The following DUSP10 variants were observed in gnomAD, a reference collection of about 807,000 sequenced individuals.
DUSP10 encodes the protein dual specificity phosphatase 10.
DUSP10 carries 14 observed loss-of-function variants against 30.8 expected under a neutral mutation model. The observed-to-expected ratio is 0.46, with a 90% CI of 0.30 to 0.71. The LOEUF is 0.71. Among genes scored for constraint, DUSP10 ranks in the 30% least tolerant of loss-of-function variants. The probability of loss-of-function intolerance (pLI) is 0.08; values close to 1 mark genes in which losing one functional copy is unlikely to be tolerated. For synonymous variants in DUSP10, 254 were observed against 250.4 expected (o/e 1.01, Z -0.14); for missense variants, 550 against 619.4 (o/e 0.89, Z 1.19).
In DUSP10 at chr1:221,717,598, T is replaced by C. The variant is rs142680135; in HGVS notation, c.812-11132A>G. On this transcript the variant is annotated intron_variant, in intron 2 of 3. Transcript: ENST00000366899. ...TGCTGTGGACTGATTGTATCTCTCC[T>C]CCCCATATTCAAACACACACACAAA... Among the ~76,000 whole-genome samples the C allele has an allele frequency of 4.0e-4, 61 of 152,224 alleles. No individual in the cohort carries two copies. The East Asian group carries it at 0.011, about 27-fold the overall frequency.
chr1:221,715,160 AAG>A (rs1343681908), intron 2 of DUSP10, among the ~76,000 whole-genome samples: 1 of 152,218 alleles, frequency 6.6e-6, no homozygotes, highest in Non-Finnish European at 1.5e-5. Context: ...CCTCAATAGG[AAG>A]AATTTTAAAA....
chr1:221,735,807 A>T (rs553721735), intron 2 of DUSP10, among the ~76,000 whole-genome samples: 13 of 152,374 alleles, frequency 8.5e-5, no homozygotes, highest in African/African-American at 3.1e-4. Context: ...AAAACTTTAT[A>T]GCAAAAACGG....
chr1:221,741,984 A>G lies in DUSP10; in HGVS notation c.-47T>C, dbSNP rs1661968743. On this transcript the variant is annotated 5_prime_UTR_variant, in exon 1 of 4. An upstream start codon of the reference 5' UTR is lost. Coordinates refer to ENST00000366899, the MANE Select transcript of DUSP10 (RefSeq NM_007207.6). ...AGTCGCGGTGACTTCCACTTACTTC[A>G]TAAATAAGTGTATTCCTCCACCATC... The G allele has an allele frequency of 6.6e-6, 1 of 152,270 alleles. No homozygotes were observed. The highest frequency in any genetic ancestry group is 1.5e-5 in the Non-Finnish European group (1 of 68,108). 9.4% of individuals were successfully genotyped at this position (152,270 alleles called of 1,614,324 possible).
rs1295406955 is a variant in DUSP10 at position 221,702,085 on chromosome 1, C to G, written c.*327G>C. Reference sequence around the variant, plus strand: ...TGTGTAGTATCTTCGGTCTATGAACCTGCACAGACTATTTAGTCATAAACT... The same window carrying G: ...TGTGTAGTATCTTCGGTCTATGAACGTGCACAGACTATTTAGTCATAAACT... On this transcript the variant is annotated 3_prime_UTR_variant, in exon 4 of 4. Transcript: ENST00000366899. This position sits in a 1 kb window ranked among gnomAD's most constrained non-coding sequence, Gnocchi z 4.5. 1.1e-5 allele frequency: 3 copies of G among 265,872 alleles called. No individual in the cohort carries two copies. Among genetic ancestry groups the G allele is most frequent in the Admixed American group, 1.0e-4 (2 of 19,820 alleles). 16.5% of individuals were successfully genotyped at this position (265,872 alleles called of 1,614,324 possible).
rs1485650065 is a variant in DUSP10 at position 221,702,335 on chromosome 1, G to GA, written c.*76dup. Reference sequence around the variant, plus strand: ...TCCCAACTACAAAAAAAAAAAGAAAGAAAAAAAACCAGAATCCATCCTCCT... The same window carrying GA: ...TCCCAACTACAAAAAAAAAAAGAAAGAAAAAAAAACCAGAATCCATCCTCCT... On this transcript the variant is annotated 3_prime_UTR_variant, in exon 4 of 4. Coordinates refer to ENST00000366899, the MANE Select transcript of DUSP10 (RefSeq NM_007207.6). The surrounding 1 kb of genome is among the most constrained non-coding windows in gnomAD (Gnocchi z 4.5). 2.9e-5 allele frequency: 43 copies of GA among 1,491,954 alleles called. No individual in the cohort carries two copies. Among genetic ancestry groups the GA allele is most frequent in the African/African-American group, 1.1e-4 (8 of 70,302 alleles). 92.4% of individuals were successfully genotyped at this position (1,491,954 alleles called of 1,614,324 possible).
At chr1:221,714,344 TGTAAAGTTGAG>T (rs1261878958) in intron 2 of DUSP10, among the ~76,000 whole-genome samples, 1 of 152,156 alleles carries the variant, frequency 6.6e-6, no homozygotes, top group Non-Finnish European at 1.5e-5. Context: ...GAGAGCAGCC[TGTAAAGTTGAG>T]CTGCAGACAC....
At chr1:221,719,686 C>T (rs1288632714) in intron 2 of DUSP10, among the ~76,000 whole-genome samples, 1 of 152,180 alleles carries the variant, frequency 6.6e-6, no homozygotes, top group Non-Finnish European at 1.5e-5. Flanking sequence ...CATCCCGTAT[C>T]TGGCACCATC....
At chr1:221,721,340 G>T (rs758585407) in intron 2 of DUSP10, among the ~76,000 whole-genome samples, 11 of 152,184 alleles carry the variant, frequency 7.2e-5, no homozygotes, top group Non-Finnish European at 1.3e-4. Flanking sequence ...TCCCCAAAGA[G>T]AAATCTAATG....
At position 221,706,186 on chromosome 1, in the gene DUSP10, C is replaced by T. The variant is rs781396913; in HGVS notation, c.1092G>A (p.Glu364=). The change falls in exon 3 of 4, where the codon GAG becomes GAA. Residue 364 remains glutamate, a synonymous_variant. Coordinates refer to ENST00000366899, the MANE Select transcript of DUSP10 (RefSeq NM_007207.6). This position sits in a 1 kb window ranked among gnomAD's most constrained non-coding sequence, Gnocchi z 4.6. Reference sequence around the variant, plus strand: ...GCCGCTTGTAGTTGAACAGGCCTTTCTCATAGTGGTAGAGGGGAAGATGAG... The same window carrying T: ...GCCGCTTGTAGTTGAACAGGCCTTTTTCATAGTGGTAGAGGGGAAGATGAG... The part of the protein sequence containing the change: ...VTTHLPLYHY[E]KGLFNYKRLP... The T allele has an allele frequency of 6.2e-7, 1 of 1,614,122 alleles. No homozygotes were observed. Among genetic ancestry groups the T allele is most frequent in the Admixed American group, 1.7e-5 (1 of 60,034 alleles).
intron 2 of DUSP10, among the ~76,000 whole-genome samples, chr1:221,723,961 A>C (rs1661348660): frequency 6.6e-6 from 1 of 152,238 alleles, no homozygotes; most frequent in African/African-American, 2.4e-5. Flanking sequence ...AATCATGTGG[A>C]TGTCTTTCTG....
At chr1:221,712,004 T>C (rs1037575424) in intron 2 of DUSP10, among the ~76,000 whole-genome samples, 1 of 152,166 alleles carries the variant, frequency 6.6e-6, no homozygotes. Context: ...GGGCAGAATA[T>C]CACCTATCTT....
At position 221,702,181 on chromosome 1, in the gene DUSP10, T is replaced by C. The variant is rs1660624818; in HGVS notation, c.*231A>G. On this transcript the variant is annotated 3_prime_UTR_variant, in exon 4 of 4. Transcript: ENST00000366899. The surrounding 1 kb of genome is among the most constrained non-coding windows in gnomAD (Gnocchi z 4.5). Reference sequence around the variant, plus strand: ...TATTTTTATTGTTGGCTTAAAAAAATTACTTCTTTAACCTCCTTAATTTGT... The same window carrying C: ...TATTTTTATTGTTGGCTTAAAAAAACTACTTCTTTAACCTCCTTAATTTGT... 1 of 510,230 alleles carries C rather than the reference T, an allele frequency of 2.0e-6. No homozygotes were observed. The highest frequency in any genetic ancestry group is 3.4e-6 in the Non-Finnish European group (1 of 290,470). The allele number at this position is 510,230 out of a possible 1,614,324, so 31.6% of individuals were successfully genotyped here.
chr1:221,707,302 T>C (rs1048302703), intron 2 of DUSP10, among the ~76,000 whole-genome samples: 1 of 152,174 alleles, frequency 6.6e-6, no homozygotes, highest in Non-Finnish European at 1.5e-5. Flanking sequence ...TTATAATCTT[T>C]TTTGATATTC....
In DUSP10 at chr1:221,706,224, T is replaced by C. The variant is rs1660755571; in HGVS notation, c.1054A>G (p.Ile352Val). ...TMQRLNIGYV[I>V]NVTTHLPLYH... ...AGGGGAAGATGAGTGGTGACGTTGA[T>C]GACGTAGCCGATGTTCAGCCGCTGC... Residue 352 changes from isoleucine (I) to valine (V), a missense_variant, in exon 3 of 4, where the codon ATC (isoleucine) becomes GTC (valine). Transcript: ENST00000366899. This position sits in a 1 kb window ranked among gnomAD's most constrained non-coding sequence, Gnocchi z 4.6. 4.3e-6 allele frequency: 7 copies of C among 1,614,146 alleles called. No individual in the cohort carries two copies. Among genetic ancestry groups the C allele is most frequent in the Non-Finnish European group, 5.9e-6 (7 of 1,180,024 alleles).
intron 2 of DUSP10, among the ~76,000 whole-genome samples, chr1:221,731,896 C>T (rs1661613666): frequency 1.3e-5 from 2 of 151,840 alleles, no homozygotes; most frequent in African/African-American, 4.8e-5. Flanking sequence ...CATGAGCCAC[C>T]ACACCCGGCT....
At chr1:221,724,078 G>C (rs1424955305) in intron 2 of DUSP10, among the ~76,000 whole-genome samples, 1 of 152,154 alleles carries the variant, frequency 6.6e-6, no homozygotes, top group African/African-American at 2.4e-5. Flanking sequence ...GAGTTCCAAG[G>C]GTTTAGAAAT....
intron 2 of DUSP10, among the ~76,000 whole-genome samples, chr1:221,733,127 A>G (rs933235495): frequency 1.3e-5 from 2 of 152,328 alleles, no homozygotes; most frequent in African/African-American, 4.8e-5. Context: ...CTGATAATGC[A>G]GGGTTTAAGG....
At chr1:221,731,536 A>T (rs1283087539) in intron 2 of DUSP10, among the ~76,000 whole-genome samples, 1 of 151,962 alleles carries the variant, frequency 6.6e-6, no homozygotes, top group African/African-American at 2.4e-5. Context: ...ATTTCTTTTC[A>T]GATCAAGACA....
At chr1:221,721,623 G>A (rs1324868940) in intron 2 of DUSP10, among the ~76,000 whole-genome samples, 1 of 152,100 alleles carries the variant, frequency 6.6e-6, no homozygotes, top group African/African-American at 2.4e-5. Context: ...TTCCAGGGAG[G>A]GCTGAAATCC....
Sources: gnomAD v4.1 joint callset for allele counts (sites outside exome capture counted in the v4.1 genomes callset) on GRCh38, gnomAD v4.1.1 for gene constraint, Gnocchi (gnomAD v3.1) non-coding constraint, MANE v1.5 for transcripts, NCBI Gene and HGNC (gene_info 2026-07-23, HGNC 2026-07-21) for gene names.